Variants in ARHGAP15 observed in about 807,000 individuals in gnomAD.
ARHGAP15 encodes rho GTPase-activating protein 15.
ARHGAP15 carries 51 observed loss-of-function variants against 63.7 expected under a neutral mutation model. The ratio of observed to expected loss-of-function variants is 0.80; its 90% CI spans 0.64 to 1.01. The LOEUF (loss-of-function observed/expected upper bound fraction) is 1.01, where lower values mean the gene tolerates loss of function less well. Ranked by LOEUF, ARHGAP15 falls within the 50% of genes least tolerant of loss-of-function variation. The pLI is 0.00. For synonymous variants in ARHGAP15, 191 were observed against 193.8 expected (o/e 0.99, Z 0.12); for missense variants, 560 against 564.6 (o/e 0.99, Z 0.08).
intron 1 of ARHGAP15, among the ~76,000 whole-genome samples, chr2:143,139,048 A>G (rs1040252153): frequency 1.3e-5 from 2 of 151,976 alleles, no homozygotes; most frequent in East Asian, 1.9e-4. Flanking sequence ...TTATAATTTC[A>G]ATTTCATTCC....
chr2:143,177,178 A>G (rs1025330816), intron 2 of ARHGAP15, among the ~76,000 whole-genome samples: 1 of 152,222 alleles, frequency 6.6e-6, no homozygotes, highest in African/African-American at 2.4e-5. Context: ...TCTTTTCTCT[A>G]TCTGTGCACC....
chr2:143,676,890 CA>C (rs1325454600), intron 12 of ARHGAP15, among the ~76,000 whole-genome samples: 2 of 151,062 alleles, frequency 1.3e-5, no homozygotes, highest in Non-Finnish European at 2.9e-5. Context: ...AACAAACAAA[CA>C]AAAAAACCCT....
intron 5 of ARHGAP15, among the ~76,000 whole-genome samples, chr2:143,244,471 G>A (rs964684399): frequency 6.6e-6 from 1 of 152,128 alleles, no homozygotes. Context: ...AGGCAAGCAG[G>A]GTAGATTGAA....
At chr2:143,556,795 G>C (rs1695819779) in intron 11 of ARHGAP15, among the ~76,000 whole-genome samples, 1 of 151,908 alleles carries the variant, frequency 6.6e-6, no homozygotes, top group Non-Finnish European at 1.5e-5. Flanking sequence ...AAATGTTATT[G>C]GCTTATAATG....
At chr2:143,529,614 G>T (rs1444744526) in intron 10 of ARHGAP15, among the ~76,000 whole-genome samples, 1 of 152,062 alleles carries the variant, frequency 6.6e-6, no homozygotes, top group Non-Finnish European at 1.5e-5. Flanking sequence ...CTTATAAGCT[G>T]CTTTCTATGC....
chr2:143,672,762 T>G (rs997104355), intron 12 of ARHGAP15, among the ~76,000 whole-genome samples: 2 of 152,190 alleles, frequency 1.3e-5, no homozygotes, highest in African/African-American at 4.8e-5. Flanking sequence ...ATGGTAGAGA[T>G]ATCCAAAGAC....
chr2:143,494,849 G>A (rs1350878211), intron 9 of ARHGAP15, among the ~76,000 whole-genome samples: 2 of 152,150 alleles, frequency 1.3e-5, no homozygotes, highest in Non-Finnish European at 1.5e-5. Context: ...GATACAGAAT[G>A]CTTTATATTC....
chr2:143,761,322 AT>A (rs1686752180), intron 13 of ARHGAP15, among the ~76,000 whole-genome samples: 1 of 152,218 alleles, frequency 6.6e-6, no homozygotes. Flanking sequence ...GCAGGAATAC[AT>A]TTACCACCAC....
Position 143,458,007 on chromosome 2 carries a change from CA to C in ARHGAP15, c.703+20972del, listed in dbSNP as rs1454317770. ...AAAGAAAAATCAATCACATGTAAAA[CA>C]AAAAAATATTATTGCACTAAAAGTT... On this transcript the variant is annotated intron_variant, in intron 8 of 13. Transcript: ENST00000295095. Among the ~76,000 whole-genome samples, 7 of 151,484 alleles carry C rather than the reference CA, an allele frequency of 4.6e-5. No individual in the cohort carries two copies. The East Asian group carries it at 7.7e-4, about 17-fold the overall frequency.
rs375861997 is a variant in ARHGAP15, at chr2:143,500,598, G to T, written c.826+13103G>T. ...AAACAAAATAAGCCACAAATATCCT[G>T]GTCAATGTTTACAAGAAAATGTGTT... is the stretch of plus-strand genomic sequence containing the variant. On this transcript the variant is annotated intron_variant, in intron 9 of 13. Coordinates refer to ENST00000295095, the MANE Select transcript of ARHGAP15 (RefSeq NM_018460.4). Among the ~76,000 whole-genome samples the T allele has an allele frequency of 2.8e-3, 433 of 152,142 alleles. 22 individuals carry two copies. The South Asian group carries it at 0.081, about 29-fold the overall frequency.
chr2:143,616,778 G>C (rs1008760824), intron 11 of ARHGAP15, among the ~76,000 whole-genome samples: 1 of 152,154 alleles, frequency 6.6e-6, no homozygotes, highest in Non-Finnish European at 1.5e-5. Flanking sequence ...GGGGGTTACT[G>C]TGATAAATCA....
chr2:143,605,529 A>G (rs1697954010), intron 11 of ARHGAP15, among the ~76,000 whole-genome samples: 4 of 152,224 alleles, frequency 2.6e-5, no homozygotes, highest in East Asian at 1.9e-4. Flanking sequence ...GGTCAAAAAC[A>G]AGACAGATAC....
intron 3 of ARHGAP15, among the ~76,000 whole-genome samples, chr2:143,204,802 A>G (rs1025639065): frequency 6.6e-6 from 1 of 151,994 alleles, no homozygotes; most frequent in African/African-American, 2.4e-5. Context: ...CTGCCCGGCC[A>G]TCCCACCTGC....
At chr2:143,580,162 G>A (rs562409636) in intron 11 of ARHGAP15, among the ~76,000 whole-genome samples, 3 of 151,658 alleles carry the variant, frequency 2.0e-5, no homozygotes, top group East Asian at 1.9e-4. Context: ...TTCATTTTAT[G>A]TAATGGTGAC....
rs576993141 is a variant in ARHGAP15 at position 143,661,897 on chromosome 2, C to T, written c.1138+37630C>T. On this transcript the variant is annotated intron_variant, in intron 12 of 13. Coordinates refer to ENST00000295095, the MANE Select transcript of ARHGAP15 (RefSeq NM_018460.4). ...AATGGCGCACCACGAGATTATATCC[C>T]GCACCTGGCTCGGAGGGTCCTACGC... Among the ~76,000 whole-genome samples, 14 of 152,356 alleles carry T rather than the reference C, an allele frequency of 9.2e-5. No homozygotes were observed. In the East Asian group the frequency reaches 2.3e-3, roughly 25 times the overall value.
At chr2:143,349,535 A>G (rs1051929533) in intron 6 of ARHGAP15, among the ~76,000 whole-genome samples, 3 of 152,204 alleles carry the variant, frequency 2.0e-5, no homozygotes, top group Non-Finnish European at 4.4e-5. Context: ...GTCACTTTGC[A>G]TGTGAAGATA....
At chr2:143,296,436 G>A (rs1682635017) in intron 6 of ARHGAP15, among the ~76,000 whole-genome samples, 1 of 152,036 alleles carries the variant, frequency 6.6e-6, no homozygotes, top group Admixed American at 6.6e-5. Context: ...TTTAGAAGTA[G>A]TTTTTCAATG....
chr2:143,261,640 G>A lies in ARHGAP15; in HGVS notation c.474+11040G>A, dbSNP rs1680731059. 2.0e-5 allele frequency among the ~76,000 whole-genome samples: 3 copies of A among 151,988 alleles called. 1 individual carries two copies. Among genetic ancestry groups the A allele is most frequent in the South Asian group, 4.1e-4 (2 of 4,822 alleles). On this transcript the variant is annotated intron_variant, in intron 6 of 13. Transcript: ENST00000295095. ...TGGGATTACAGGCCTAAGCCACGGT[G>A]CCTGGCCGACCCTTTTCGTTCATAG...
At chr2:143,480,429 G>C (rs1416987676) in intron 8 of ARHGAP15, among the ~76,000 whole-genome samples, 3 of 152,166 alleles carry the variant, frequency 2.0e-5, no homozygotes, top group Non-Finnish European at 2.9e-5. Flanking sequence ...ATTAATCATG[G>C]AATAGATGAT....
Sources: gnomAD v4.1 joint callset for allele counts (sites outside exome capture counted in the v4.1 genomes callset) on GRCh38, gnomAD v4.1.1 for gene constraint, MANE v1.5 for transcripts, NCBI Gene and HGNC (gene_info 2026-07-23, HGNC 2026-07-21) for gene names.